The following OTOA variants were observed in gnomAD, a reference collection of about 807,000 sequenced individuals.
OTOA encodes the protein cancer/testis antigen 108.
A neutral mutation model predicts 110.8 loss-of-function variants in OTOA; 70 were observed. That is an observed-to-expected ratio of 0.63 (90% CI 0.52 to 0.77). OTOA has a LOEUF of 0.77. Ranked by LOEUF, OTOA falls within the 30% of genes least tolerant of loss-of-function variation. The pLI is 0.00. For synonymous variants in OTOA, 373 were observed against 431.5 expected (o/e 0.86, Z 1.68); for missense variants, 917 against 1,075.8 (o/e 0.85, Z 2.06).
At chr16:21,674,021 T>C (rs1466377763) in intron 1 of OTOA, among the ~76,000 whole-genome samples, 3 of 152,000 alleles carry the variant, frequency 2.0e-5, no homozygotes, top group African/African-American at 7.3e-5. Context: ...ATGGTCTTGA[T>C]CTCCTGACCT....
At chr16:21,705,565 T>A in intron 12 of OTOA, 2 of 460,580 alleles carry the variant, frequency 4.3e-6, no homozygotes, top group South Asian at 4.2e-5. Flanking sequence ...ATCCCAGCAC[T>A]TTGGGAGGCC....
chr16:21,683,008 T>C (rs1385678294), intron 6 of OTOA, among the ~76,000 whole-genome samples: 1 of 152,214 alleles, frequency 6.6e-6, no homozygotes, highest in African/African-American at 2.4e-5. Flanking sequence ...TAATGGATAC[T>C]CATGAGATGT....
chr16:21,703,735 T>G (rs935897837), intron 11 of OTOA, among the ~76,000 whole-genome samples: 4 of 152,182 alleles, frequency 2.6e-5, no homozygotes, highest in Non-Finnish European at 5.9e-5. Flanking sequence ...AATATCGCTC[T>G]GAGAGGGTGG....
At chr16:21,673,781 T>TTTTG (rs530750642) in intron 1 of OTOA, among the ~76,000 whole-genome samples, 200 of 152,140 alleles carry the variant, frequency 1.3e-3, no homozygotes, top group Non-Finnish European at 2.0e-3. Flanking sequence ...TGTGTACAGG[T>TTTTG]TTTGTTTGTT....
chr16:21,671,639 T>C (rs1046633575), intron 1 of OTOA, among the ~76,000 whole-genome samples: 4 of 149,522 alleles, frequency 2.7e-5, no homozygotes, highest in African/African-American at 9.9e-5. Flanking sequence ...AAGAAATATG[T>C]CCAACATTGC....
chr16:21,669,439 C>A (rs1234876199), intron 1 of OTOA, among the ~76,000 whole-genome samples: 1 of 151,730 alleles, frequency 6.6e-6, no homozygotes, highest in African/African-American at 2.4e-5. Context: ...TCTGACAGCA[C>A]CTCTCCCCTA....
chr16:21,670,016 C>T (rs1966846958), intron 1 of OTOA, among the ~76,000 whole-genome samples: 1 of 152,010 alleles, frequency 6.6e-6, no homozygotes, highest in African/African-American at 2.4e-5. Flanking sequence ...ATCCCAGCTA[C>T]TTGAGAGGCT....
chr16:21,699,114 C>A (rs1340166583), intron 10 of OTOA, among the ~76,000 whole-genome samples: 2 of 152,006 alleles, frequency 1.3e-5, no homozygotes, highest in East Asian at 1.9e-4. Flanking sequence ...CCATGCCTGG[C>A]TAATTTTTAT....
Position 21,722,927 on chromosome 16 carries a change from A to T in OTOA, c.1829A>T (p.Tyr610Phe). The change falls in exon 18 of 29, where the codon TAC (tyrosine) becomes TTC (phenylalanine). Residue 610 changes from tyrosine (Y) to phenylalanine (F), a missense_variant. Around this residue, in one of 6 missense-constraint regions of OTOA, gnomAD observed 840 missense variants for 910.2 expected, o/e 0.92. Transcript: ENST00000646100. ...CAGGTTAATTGTTTGGCGTGGAAAT[A>T]CTGGGAAGTTTCCAGATTGTCTATG... ...PYQVNCLAWK[Y>F]WEVSRLSMPP... 6.2e-7 allele frequency: 1 copy of T among 1,614,150 alleles called. No homozygotes were observed.
chr16:21,760,019 C>A (rs1900118741), intron 28 of OTOA, among the ~76,000 whole-genome samples: 1 of 151,918 alleles, frequency 6.6e-6, no homozygotes, highest in Non-Finnish European at 1.5e-5. Flanking sequence ...TCCTGCATGT[C>A]CCTGGCTGGG....
intron 1 of OTOA, among the ~76,000 whole-genome samples, chr16:21,672,580 G>T (rs994869973): frequency 6.9e-6 from 1 of 145,518 alleles, no homozygotes; most frequent in South Asian, 2.1e-4. Flanking sequence ...CCGAGATTGC[G>T]CCACTACACT....
intron 17 of OTOA, among the ~76,000 whole-genome samples, chr16:21,720,194 G>C (rs140518301): frequency 0.012 from 1,762 of 152,196 alleles, 16 homozygotes; most frequent in Middle Eastern, 0.041. Flanking sequence ...GGGCTCAAGT[G>C]ATCCTCCTGC....
intron 5 of OTOA, 87 bp downstream of exon 5, chr16:21,679,298 TA>T: frequency 7.2e-7 from 1 of 1,397,210 alleles, no homozygotes; most frequent in South Asian, 1.2e-5. Flanking sequence ...TAAAAAGTAA[TA>T]TGTGCTCATT....
intron 4 of OTOA, 24 bp from the exon 5 acceptor site, chr16:21,679,160 C>A (rs750421991): frequency 6.2e-7 from 1 of 1,613,822 alleles, no homozygotes; most frequent in Non-Finnish European, 8.5e-7. Flanking sequence ...TTAAAGATGT[C>A]TTTTCATTTT....
intron 10 of OTOA, among the ~76,000 whole-genome samples, chr16:21,699,944 T>C (rs1898018670): frequency 6.6e-6 from 1 of 151,094 alleles, no homozygotes; most frequent in South Asian, 2.1e-4. Flanking sequence ...AAAATAAAAA[T>C]AAAAACAAAA....
intron 23 of OTOA, among the ~76,000 whole-genome samples, chr16:21,744,270 G>C (rs1899582139): frequency 6.6e-6 from 1 of 151,548 alleles, no homozygotes. Flanking sequence ...CACCCAAGTG[G>C]CTGGGATTAC....
chr16:21,749,562 G>C (rs1189565178), intron 24 of OTOA, among the ~76,000 whole-genome samples: 2 of 148,852 alleles, frequency 1.3e-5, no homozygotes, highest in Admixed American at 6.7e-5. Context: ...AAAGAGAGTT[G>C]GGAAGATTGA....
chr16:21,704,234 G>A lies in OTOA; in HGVS notation c.981-935G>A, dbSNP rs187366685. Among the ~76,000 whole-genome samples, 341 of 152,154 alleles carry A rather than the reference G, an allele frequency of 2.2e-3. 3 individuals are homozygous for A. The highest frequency in any genetic ancestry group is 2.8e-4 in the Non-Finnish European group (19 of 68,008). On this transcript the variant is annotated intron_variant, in intron 11 of 28. Coordinates refer to ENST00000646100, the MANE Select transcript of OTOA (RefSeq NM_144672.4). ...TGAAATCTTTGCATCATCTGGGTGG[G>A]TACCAGAAGGCATCCTAGAAACAGA...
At chr16:21,727,019 T>G (rs958898244) in intron 19 of OTOA, 9 of 256,524 alleles carry the variant, frequency 3.5e-5, no homozygotes, top group South Asian at 2.7e-4. Flanking sequence ...AGAGTTTTTT[T>G]TTTTTTTTTT....
Sources: allele counts gnomAD v4.1 joint callset (sites outside exome capture counted in the v4.1 genomes callset), GRCh38; gene constraint gnomAD v4.1.1; regional missense constraint gnomAD v4.1.1; transcripts MANE v1.5; gene names NCBI Gene and HGNC (gene_info 2026-07-23, HGNC 2026-07-21).